The following ADARB2 variants were observed in gnomAD, a reference collection of about 807,000 sequenced individuals.
ADARB2 encodes adenosine deaminase RNA specific B2 (inactive).
ADARB2 carries 25 observed loss-of-function variants against 62.2 expected under a neutral mutation model. The ratio of observed to expected loss-of-function variants is 0.40; its 90% confidence interval spans 0.29 to 0.56. The LOEUF is 0.56. Among genes scored for constraint, ADARB2 ranks in the 20% least tolerant of loss-of-function variants. ADARB2 has a pLI of 0.43. For synonymous variants in ADARB2, 572 were observed against 500.8 expected (o/e 1.14, Z -1.90); for missense variants, 1,071 against 1,077.4 (o/e 0.99, Z 0.08).
At chr10:1,547,984 G>C (rs937267952) in intron 1 of ADARB2, among the ~76,000 whole-genome samples, 1 of 152,010 alleles carries the variant, frequency 6.6e-6, no homozygotes, top group Non-Finnish European at 1.5e-5. Context: ...CGTGGTACTT[G>C]CTTGACCATA....
At chr10:1,594,970 G>T (rs1833311332) in intron 1 of ADARB2, among the ~76,000 whole-genome samples, 1 of 152,172 alleles carries the variant, frequency 6.6e-6, no homozygotes, top group African/African-American at 2.4e-5. Flanking sequence ...GGGGACCAGG[G>T]CTGTGCTGCA....
intron 1 of ADARB2, among the ~76,000 whole-genome samples, chr10:1,715,587 T>C (rs1462047772): frequency 6.6e-6 from 1 of 152,230 alleles, no homozygotes; most frequent in African/African-American, 2.4e-5. Context: ...TCACCAGTGT[T>C]TCCTCATCTG....
Position 1,438,920 on chromosome 10 carries a change from GCAGGCCC to G in ADARB2, c.101-59767_101-59761del, listed in dbSNP as rs1427095139. Among the ~76,000 whole-genome samples, 3 of 4,170 alleles carry G rather than the reference GCAGGCCC, an allele frequency of 7.2e-4. 1 individual carries two copies. The allele number at this position is 4,170 out of a possible 152,430, so 2.7% of individuals were successfully genotyped here. A position where few individuals can be genotyped will look rare whatever the true frequency, so the allele number is the denominator to read the frequency against. On this transcript the variant is annotated intron_variant, in intron 1 of 9. Transcript: ENST00000381312. ...CTCCTGAGTCTCTGCCAGGATGGAG[GCAGGCCC>G]TTCATGATGGGGCTCCTGAATCTCC...
intron 1 of ADARB2, among the ~76,000 whole-genome samples, chr10:1,480,611 T>A (rs550403877): frequency 6.1e-4 from 93 of 152,064 alleles, no homozygotes; most frequent in South Asian, 1.0e-3. Flanking sequence ...GGTAGGAGAA[T>A]GGTGTGAACC....
chr10:1,368,141 G>C (rs114804444), intron 2 of ADARB2, among the ~76,000 whole-genome samples: 4 of 146,742 alleles, frequency 2.7e-5, no homozygotes, highest in Non-Finnish European at 6.2e-5. Flanking sequence ...TGTGGGGAAC[G>C]GGGGCGCAGG....
intron 1 of ADARB2, among the ~76,000 whole-genome samples, chr10:1,485,124 G>A (rs1401868320): frequency 6.6e-6 from 1 of 151,984 alleles, no homozygotes; most frequent in Non-Finnish European, 1.5e-5. Flanking sequence ...GTAGATACCT[G>A]TGTAGGTATG....
rs1428134013 is a variant in ADARB2 at position 1,180,956 on chromosome 10, C to T, written c.*2237G>A. On this transcript the variant is annotated 3_prime_UTR_variant, in exon 10 of 10. Coordinates refer to ENST00000381312, the MANE Select transcript of ADARB2 (RefSeq NM_018702.4). ...ATGCCTGAGACAAAACGAATCCCAA[C>T]CCCCCAGCTGTGGCTTCATGATGCT... 1 of 152,236 alleles carries T rather than the reference C, an allele frequency of 6.6e-6. No individual in the cohort carries two copies. The highest frequency in any genetic ancestry group is 1.5e-5 in the Non-Finnish European group (1 of 68,050). 9.4% of individuals were successfully genotyped at this position (152,236 alleles called of 1,614,324 possible).
At chr10:1,655,916 G>A (rs1337164004) in intron 1 of ADARB2, among the ~76,000 whole-genome samples, 1 of 152,166 alleles carries the variant, frequency 6.6e-6, no homozygotes, top group African/African-American at 2.4e-5. Context: ...ATAAATTAGT[G>A]GGTTTCACTA....
intron 1 of ADARB2, among the ~76,000 whole-genome samples, chr10:1,429,696 G>A (rs1402582443): frequency 6.6e-6 from 1 of 152,164 alleles, no homozygotes; most frequent in East Asian, 1.9e-4. Flanking sequence ...TATGAATCCT[G>A]CTGGGCTGGT....
At chr10:1,374,258 A>G (rs1832402336) in intron 2 of ADARB2, among the ~76,000 whole-genome samples, 1 of 152,236 alleles carries the variant, frequency 6.6e-6, no homozygotes, top group South Asian at 2.1e-4. Flanking sequence ...ACCACAAGCC[A>G]GGGTCATAGG....
chr10:1,502,466 G>C (rs951769856), intron 1 of ADARB2, among the ~76,000 whole-genome samples: 24 of 152,366 alleles, frequency 1.6e-4, no homozygotes, highest in African/African-American at 5.1e-4. Context: ...AAAATCCTGA[G>C]ATTCCCAGCA....
rs184949889 is a variant in ADARB2, at chr10:1,380,635, G to A, written c.101-1475C>T. ...GGAGAGTTCCCATTGAAATTCATTC[G>A]GGAGCCTGTTAACAGCTGTTGTTTC... is the stretch of plus-strand genomic sequence containing the variant. On this transcript the variant is annotated intron_variant, in intron 1 of 9. Transcript: ENST00000381312. 5.9e-5 allele frequency among the ~76,000 whole-genome samples: 9 copies of A among 152,276 alleles called. 1 individual carries two copies. The highest frequency in any genetic ancestry group is 1.4e-4 in the African/African-American group (6 of 41,564).
At chr10:1,614,985 T>C (rs543840209) in intron 1 of ADARB2, among the ~76,000 whole-genome samples, 3 of 152,298 alleles carry the variant, frequency 2.0e-5, no homozygotes, top group African/African-American at 4.8e-5. Flanking sequence ...TATGGCTCTT[T>C]CTTCTCATTG....
At chr10:1,705,070 A>C (rs898421419) in intron 1 of ADARB2, among the ~76,000 whole-genome samples, 1 of 152,274 alleles carries the variant, frequency 6.6e-6, no homozygotes, top group Non-Finnish European at 1.5e-5. Context: ...TCATTAAAAA[A>C]ATAAAGAAAC....
intron 1 of ADARB2, among the ~76,000 whole-genome samples, chr10:1,631,525 T>C (rs999990150): frequency 3.9e-5 from 6 of 152,252 alleles, no homozygotes; most frequent in African/African-American, 1.4e-4. Context: ...ACAGCAGTGC[T>C]TCCGTCACTC....
At chr10:1,291,982 C>T (rs1457047748) in intron 3 of ADARB2, 1 of 152,406 alleles carries the variant, frequency 6.6e-6, no homozygotes, top group African/African-American at 2.4e-5. Context: ...GCTGCGCCTT[C>T]CAAGTTACCA....
At chr10:1,550,718 T>C (rs749999778) in intron 1 of ADARB2, among the ~76,000 whole-genome samples, 1 of 152,006 alleles carries the variant, frequency 6.6e-6, no homozygotes, top group Non-Finnish European at 1.5e-5. Context: ...TAGAAGAGAT[T>C]TGGAGACCAG....
At chr10:1,251,610 A>T (rs949600998) in intron 4 of ADARB2, among the ~76,000 whole-genome samples, 1 of 152,238 alleles carries the variant, frequency 6.6e-6, no homozygotes, top group African/African-American at 2.4e-5. Context: ...TGCATATGTC[A>T]TAAATAAAAT....
intron 1 of ADARB2, among the ~76,000 whole-genome samples, chr10:1,536,965 A>T (rs1441879679): frequency 6.6e-6 from 1 of 152,234 alleles, no homozygotes; most frequent in Non-Finnish European, 1.5e-5. Flanking sequence ...GATAAATGGG[A>T]TTGAATTAAA....
Sources: gnomAD v4.1 joint callset for allele counts (sites outside exome capture counted in the v4.1 genomes callset) on GRCh38, gnomAD v4.1.1 for gene constraint, MANE v1.5 for transcripts, NCBI Gene and HGNC (gene_info 2026-07-23, HGNC 2026-07-21) for gene names.